The following DACH2 variants were observed in gnomAD, a reference collection of about 807,000 sequenced individuals.
The protein encoded by DACH2 is dachshund homolog 2.
DACH2 carries 17 observed loss-of-function variants against 35.8 expected under a neutral mutation model. The ratio of observed to expected loss-of-function variants is 0.48; its 90% CI spans 0.33 to 0.71. The LOEUF is 0.71. Ranked by LOEUF, DACH2 falls within the 30% of genes least tolerant of loss-of-function variation. The pLI is 0.02. For synonymous variants in DACH2, 195 were observed against 177.3 expected (o/e 1.10, Z -0.79); for missense variants, 469 against 472.7 (o/e 0.99, Z 0.07).
chrX:86,755,843 C>T (rs953829751), intron 7 of DACH2, among the ~76,000 whole-genome samples: 14 of 110,053 alleles, frequency 1.3e-4, no homozygotes, highest in Non-Finnish European at 2.5e-4. Context: ...GTGATCCACC[C>T]GCCTCAGCCT....
At chrX:86,239,290 C>T (rs1176791975) in intron 1 of DACH2, among the ~76,000 whole-genome samples, 7 of 111,304 alleles carry the variant, frequency 6.3e-5, no homozygotes, top group Non-Finnish European at 1.3e-4. Context: ...GGGAAATACA[C>T]CTGTGCCTGT....
chrX:86,654,981 G>A (rs768733933), intron 4 of DACH2, among the ~76,000 whole-genome samples: 1 of 111,543 alleles, frequency 9.0e-6, no homozygotes, highest in Non-Finnish European at 1.9e-5. Flanking sequence ...TTGGTAATCT[G>A]GGGGCTAGTG....
At chrX:86,194,608 C>A (rs1277382293) in intron 1 of DACH2, among the ~76,000 whole-genome samples, 1 of 112,535 alleles carries the variant, frequency 8.9e-6, no homozygotes, top group Non-Finnish European at 1.9e-5. Context: ...CCTGCTCTTG[C>A]CATGGACCTC....
chrX:86,440,676 C>A (rs908706585), intron 2 of DACH2, among the ~76,000 whole-genome samples: 2 of 110,755 alleles, frequency 1.8e-5, no homozygotes, highest in African/African-American at 6.6e-5. Context: ...CTTATTTTTG[C>A]CTTCCATCCT....
chrX:86,787,352 G>A (rs1016302464), intron 7 of DACH2, among the ~76,000 whole-genome samples: 2 of 111,650 alleles, frequency 1.8e-5, no homozygotes, highest in Admixed American at 1.9e-4. Context: ...AGGGGTGGTG[G>A]CTCAGGCCTA....
intron 1 of DACH2, among the ~76,000 whole-genome samples, chrX:86,315,505 A>T (rs903889107): frequency 1.8e-5 from 2 of 111,599 alleles, no homozygotes; most frequent in African/African-American, 6.5e-5. Flanking sequence ...TTGTAAGGCT[A>T]TAGCGGCCAC....
At chrX:86,397,438 G>C (rs2036320268) in intron 2 of DACH2, among the ~76,000 whole-genome samples, 1 of 111,542 alleles carries the variant, frequency 9.0e-6, no homozygotes, top group African/African-American at 3.3e-5. Context: ...GTGAATAGGA[G>C]TGGTGAGAGA....
chrX:86,149,507 C>T (rs961648479), intron 1 of DACH2, among the ~76,000 whole-genome samples: 2 of 112,107 alleles, frequency 1.8e-5, no homozygotes, highest in South Asian at 3.7e-4. Flanking sequence ...AGGGCTTTCT[C>T]TGGGGGCTGG....
At chrX:86,391,658 C>A (rs1328508911) in intron 2 of DACH2, among the ~76,000 whole-genome samples, 1 of 111,016 alleles carries the variant, frequency 9.0e-6, no homozygotes, top group Non-Finnish European at 1.9e-5. Flanking sequence ...ATCACATAAC[C>A]AATTACATAA....
intron 3 of DACH2, among the ~76,000 whole-genome samples, chrX:86,562,185 C>G (rs1219706782): frequency 1.8e-5 from 2 of 110,497 alleles, no homozygotes; most frequent in Non-Finnish European, 3.8e-5. Context: ...AACTATTGTA[C>G]TGTGGCCTGT....
At chrX:86,309,081 T>G (rs144768256) in intron 1 of DACH2, among the ~76,000 whole-genome samples, 1,608 of 111,428 alleles carry the variant, frequency 0.014, 22 homozygotes, top group Non-Finnish European at 0.025. Flanking sequence ...ACCTAGAAAA[T>G]TGTAAATTAA....
At chrX:86,283,121 T>A (rs1452243128) in intron 1 of DACH2, among the ~76,000 whole-genome samples, 1 of 97,560 alleles carries the variant, frequency 1.0e-5, no homozygotes, top group African/African-American at 3.9e-5. Flanking sequence ...AACAAACATA[T>A]GAGGAAAAGC....
intron 3 of DACH2, among the ~76,000 whole-genome samples, chrX:86,629,529 A>C (rs2040175076): frequency 9.0e-6 from 1 of 111,513 alleles, no homozygotes; most frequent in Non-Finnish European, 1.9e-5. Flanking sequence ...GGTACCAGAA[A>C]GACAATTAAT....
chrX:86,242,721 C>T (rs781214896), intron 1 of DACH2, among the ~76,000 whole-genome samples: 16 of 111,319 alleles, frequency 1.4e-4, no homozygotes, highest in South Asian at 3.8e-4. Flanking sequence ...GTAATCCCCA[C>T]GTGTCAGGGG....
intron 5 of DACH2, among the ~76,000 whole-genome samples, chrX:86,695,831 A>G (rs754407978): frequency 9.9e-5 from 11 of 111,226 alleles, no homozygotes; most frequent in South Asian, 3.8e-4. Context: ...TGAATTCTAC[A>G]TCATTGTTAG....
chrX:86,516,822 CT>C (rs1219776824), intron 3 of DACH2, among the ~76,000 whole-genome samples: 1 of 111,116 alleles, frequency 9.0e-6, no homozygotes, highest in Non-Finnish European at 1.9e-5. Flanking sequence ...ATTTGGTTTT[CT>C]ATTCCTGTAT....
At chrX:86,345,832 A>G (rs950249387) in intron 1 of DACH2, among the ~76,000 whole-genome samples, 1 of 111,657 alleles carries the variant, frequency 9.0e-6, no homozygotes, top group African/African-American at 3.3e-5. Flanking sequence ...TCTGAGTAAC[A>G]TTTAGATGCT....
At chrX:86,650,494 C>T (rs2148406104) in intron 3 of DACH2, among the ~76,000 whole-genome samples, 1 of 111,088 alleles carries the variant, frequency 9.0e-6, no homozygotes, top group Admixed American at 9.7e-5. Flanking sequence ...AATGAGGATA[C>T]ACACTCAAAG....
Position 86,267,654 on chromosome X carries a change from A to G in DACH2, c.489-109170A>G, listed in dbSNP as rs780663384. Among the ~76,000 whole-genome samples the G allele has an allele frequency of 6.2e-5, 7 of 112,045 alleles. No individual in the cohort carries two copies. The East Asian group carries it at 2.0e-3, about 32-fold the overall frequency. On this transcript the variant is annotated intron_variant, in intron 1 of 11. Transcript: ENST00000373125. ...TTGTAAAACGATGTGGTCAGCATCAATGGTTTTAAGTTCCCTCTTAGCCAT... is the reference window on the plus strand; with the variant it reads ...TTGTAAAACGATGTGGTCAGCATCAGTGGTTTTAAGTTCCCTCTTAGCCAT...
Sources: allele counts gnomAD v4.1 joint callset (sites outside exome capture counted in the v4.1 genomes callset), GRCh38; gene constraint gnomAD v4.1.1; transcripts MANE v1.5; gene names NCBI Gene and HGNC (gene_info 2026-07-23, HGNC 2026-07-21).